The following LAMA2 variants were observed in gnomAD, a reference collection of about 807,000 sequenced individuals.
The protein encoded by LAMA2 is laminin subunit alpha-2.
LAMA2 carries 269 observed loss-of-function variants against 364.8 expected under a neutral mutation model. That is an observed-to-expected ratio of 0.74 (90% confidence interval 0.67 to 0.82). The LOEUF (loss-of-function observed/expected upper bound fraction) is 0.82, where lower values mean the gene tolerates loss of function less well. LAMA2 is among the 40% of genes least tolerant of loss of function. LAMA2 has a pLI of 0.00. For synonymous variants in LAMA2, 1,379 were observed against 1,370.6 expected (o/e 1.01, Z -0.14); for missense variants, 3,807 against 3,873.2 (o/e 0.98, Z 0.45).
At chr6:129,412,922 T>C (rs1780607433) in intron 40 of LAMA2, among the ~76,000 whole-genome samples, 1 of 152,210 alleles carries the variant, frequency 6.6e-6, no homozygotes. Flanking sequence ...AGGAGGCACA[T>C]AGGATATTTG....
At chr6:129,191,975 T>C (rs74492570) in intron 11 of LAMA2, among the ~76,000 whole-genome samples, 15,161 of 152,246 alleles carry the variant, frequency 0.1, 804 homozygotes, top group Non-Finnish European at 0.12. Context: ...CATTATGCAT[T>C]CCCAGATTCC....
intron 17 of LAMA2, among the ~76,000 whole-genome samples, chr6:129,275,179 T>C (rs529804321): frequency 5.9e-5 from 9 of 152,024 alleles, no homozygotes; most frequent in African/African-American, 1.2e-4. Context: ...TCCAAGACAA[T>C]AGGTAAATTT....
At chr6:129,185,350 C>G (rs1781165310) in intron 10 of LAMA2, among the ~76,000 whole-genome samples, 1 of 151,748 alleles carries the variant, frequency 6.6e-6, no homozygotes, top group South Asian at 2.1e-4. Context: ...ACAATAGTAT[C>G]TCACTTCAAG....
intron 29 of LAMA2, among the ~76,000 whole-genome samples, chr6:129,339,542 T>C (rs1177783506): frequency 1.3e-5 from 2 of 152,074 alleles, no homozygotes; most frequent in Non-Finnish European, 2.9e-5. Context: ...ACTGAAGTCA[T>C]AGTAATGGAT....
In LAMA2 at chr6:128,913,670, C is replaced by CAAGCAATCAGAGCT. The variant is rs200869699; in HGVS notation, c.112+30318_112+30331dup. On this transcript the variant is annotated intron_variant, in intron 1 of 64. Transcript: ENST00000421865. ...ACAGTATCTTCACAACTGCACTAGT[C>CAAGCAATCAGAGCT]AAGCAATCAGAGCTAAGCTTTCAAA... Among the ~76,000 whole-genome samples, 1,082 of 152,248 alleles carry CAAGCAATCAGAGCT rather than the reference C, an allele frequency of 7.1e-3. 13 individuals are homozygous for CAAGCAATCAGAGCT. Among genetic ancestry groups the CAAGCAATCAGAGCT allele is most frequent in the African/African-American group, 0.025 (1,032 of 41,544 alleles).
At chr6:128,951,286 G>A (rs1347703863) in intron 1 of LAMA2, among the ~76,000 whole-genome samples, 1 of 152,038 alleles carries the variant, frequency 6.6e-6, no homozygotes, top group African/African-American at 2.4e-5. Flanking sequence ...TTTTTCAAGA[G>A]GATTCAATGT....
intron 12 of LAMA2, among the ~76,000 whole-genome samples, chr6:129,249,135 T>C (rs912511160): frequency 6.6e-6 from 1 of 152,124 alleles, no homozygotes; most frequent in African/African-American, 2.4e-5. Context: ...TCCAGTACAT[T>C]CCCAACCAGG....
chr6:129,484,134 A>G (rs1490318613), intron 55 of LAMA2, among the ~76,000 whole-genome samples: 2 of 152,200 alleles, frequency 1.3e-5, no homozygotes, highest in Admixed American at 6.5e-5. Context: ...CAAACAACAC[A>G]AAACACAAGC....
chr6:129,458,324 G>A (rs1471217200), intron 48 of LAMA2, among the ~76,000 whole-genome samples: 1 of 152,002 alleles, frequency 6.6e-6, no homozygotes, highest in Non-Finnish European at 1.5e-5. Flanking sequence ...TTATGCAAAT[G>A]TAATTGGCAC....
intron 4 of LAMA2, among the ~76,000 whole-genome samples, chr6:129,134,067 A>C (rs1777650034): frequency 6.6e-6 from 1 of 152,216 alleles, no homozygotes; most frequent in Non-Finnish European, 1.5e-5. Flanking sequence ...GTGTTCCCAC[A>C]CGGGGACTGA....
chr6:129,307,293 A>G (rs376989128), intron 22 of LAMA2, among the ~76,000 whole-genome samples: 2 of 152,322 alleles, frequency 1.3e-5, no homozygotes, highest in African/African-American at 2.4e-5. Flanking sequence ...TCTGGGCTGT[A>G]AGAATTTTTG....
At chr6:129,309,904 T>TTTTTTTTTTTTC (rs1774103181) in intron 22 of LAMA2, among the ~76,000 whole-genome samples, 1 of 140,366 alleles carries the variant, frequency 7.1e-6, no homozygotes, top group Non-Finnish European at 1.5e-5. Context: ...TGATAATCAT[T>TTTTTTTTTTTTC]TTTTTTTTTT....
At chr6:129,327,678 T>G (rs1252094954) in intron 28 of LAMA2, among the ~76,000 whole-genome samples, 1 of 152,234 alleles carries the variant, frequency 6.6e-6, no homozygotes, top group African/African-American at 2.4e-5. Flanking sequence ...TCAGCTTCAC[T>G]AGAAGTTTTC....
intron 1 of LAMA2, among the ~76,000 whole-genome samples, chr6:129,031,558 A>G (rs990815738): frequency 2.6e-5 from 4 of 152,258 alleles, no homozygotes; most frequent in Non-Finnish European, 5.9e-5. Flanking sequence ...TGGAAAATGT[A>G]AACTATCCAG....
intron 1 of LAMA2, among the ~76,000 whole-genome samples, chr6:128,973,097 A>C (rs1402300868): frequency 6.6e-6 from 1 of 152,168 alleles, no homozygotes; most frequent in African/African-American, 2.4e-5. Context: ...ATGAAAAAAA[A>C]GTTCCTAAAA....
intron 58 of LAMA2, among the ~76,000 whole-genome samples, chr6:129,499,905 TTTG>T (rs936729684): frequency 4.6e-5 from 7 of 151,940 alleles, no homozygotes; most frequent in African/African-American, 4.8e-5. Context: ...TTTTAATTTT[TTTG>T]TTGTTGTTGT....
intron 13 of LAMA2, among the ~76,000 whole-genome samples, 168 bp from the exon 14 acceptor site, chr6:129,251,916 T>C (rs551448653): frequency 1.3e-5 from 2 of 152,076 alleles, no homozygotes; most frequent in Admixed American, 6.5e-5. Context: ...GCCTGGGGGA[T>C]AGAGCGAGAC....
intron 4 of LAMA2, among the ~76,000 whole-genome samples, chr6:129,133,393 T>G (rs910123359): frequency 2.6e-5 from 4 of 151,994 alleles, no homozygotes; most frequent in African/African-American, 9.7e-5. Context: ...GAATGGAGAC[T>G]AGGTAAAGTG....
At chr6:129,286,237 C>A (rs1428060247) in intron 18 of LAMA2, among the ~76,000 whole-genome samples, 1 of 151,934 alleles carries the variant, frequency 6.6e-6, no homozygotes, top group African/African-American at 2.4e-5. Context: ...ACACTTGCTG[C>A]AAAAGACTTT....
Sources: gnomAD v4.1 joint callset for allele counts (sites outside exome capture counted in the v4.1 genomes callset) on GRCh38, gnomAD v4.1.1 for gene constraint, MANE v1.5 for transcripts, NCBI Gene and HGNC (gene_info 2026-07-23, HGNC 2026-07-21) for gene names.